Variants in KDELR3 observed in about 807,000 individuals in gnomAD.
KDELR3 encodes KDEL endoplasmic reticulum protein retention receptor 3, also known as ER lumen protein-retaining receptor 3.
In KDELR3, 26 loss-of-function variants were observed where a neutral mutation model predicts 22.7. The ratio of observed to expected loss-of-function variants is 1.15; its 90% CI spans 0.84 to 1.59. The LOEUF is 1.59. Ranked by LOEUF, KDELR3 falls within the 40% of genes most tolerant of loss-of-function variation. The pLI, the probability that KDELR3 is intolerant of heterozygous loss-of-function variation, is 0.00. For synonymous variants in KDELR3, 120 were observed against 98.2 expected (o/e 1.22, Z -1.31); for missense variants, 289 against 251.1 (o/e 1.15, Z -1.02).
In KDELR3 at chr22:38,481,407, T is replaced by C. The variant is rs1024293701; in HGVS notation, c.547T>C (p.Ser183Pro). 3 of 1,614,086 alleles carry C rather than the reference T, an allele frequency of 1.9e-6. No homozygotes were observed. The highest frequency in any genetic ancestry group is 2.7e-5 in the African/African-American group (2 of 74,924). ...ENFYDQIAVV[S>P]GVVQTIFYCD... is the part of the protein sequence containing the mutation. ...TTTCTATGACCAAATTGCAGTCGTG[T>C]CTGGAGTAGTACAAACCATCTTCTA... is the stretch of plus-strand genomic sequence containing the variant. Residue 183 changes from serine (S) to proline (P), a missense_variant, in exon 4 of 5, where the codon TCT (serine) becomes CCT (proline). Physicochemically the swap from Ser to Pro is moderately conservative, Grantham distance 74. Coordinates refer to ENST00000216014, the MANE Select transcript of KDELR3 (RefSeq NM_006855.4).
intron 4 of KDELR3, 145 bp from the exon 5 acceptor site, chr22:38,482,351 C>T (rs891608715): frequency 2.1e-5 from 14 of 679,562 alleles, no homozygotes; most frequent in Admixed American, 1.6e-4. Flanking sequence ...CATAGTCAAC[C>T]GGAGATGGAC....
intron 2 of KDELR3, among the ~76,000 whole-genome samples, chr22:38,478,513 C>T (rs567912324): frequency 8.2e-5 from 9 of 109,716 alleles, no homozygotes; most frequent in African/African-American, 1.4e-4. Flanking sequence ...CCAGCCTGGG[C>T]GACAGAGCGA....
At position 38,482,846 on chromosome 22, in the gene KDELR3, G is replaced by A. The variant is rs1411567853; in HGVS notation, c.*310G>A. ...TAAATGATTGTTCTCCAAGGCCTGA[G>A]GGCAAGACTCATGATGAGCAAGTCA... On this transcript the variant is annotated 3_prime_UTR_variant, in exon 5 of 5. Coordinates refer to ENST00000216014, the MANE Select transcript of KDELR3 (RefSeq NM_006855.4). The A allele has an allele frequency of 4.9e-5, 17 of 347,876 alleles. No homozygotes were observed. The highest frequency in any genetic ancestry group is 4.5e-5 in the Admixed American group (1 of 22,294). 21.5% of individuals were successfully genotyped at this position (347,876 alleles called of 1,614,324 possible).
At chr22:38,468,660 T>C (rs778997509) in intron 1 of KDELR3, among the ~76,000 whole-genome samples, 21 of 152,054 alleles carry the variant, frequency 1.4e-4, no homozygotes, top group Non-Finnish European at 1.3e-4. Context: ...CACCATCGAC[T>C]GTGGGGAGAA....
In KDELR3 at chr22:38,468,150, G is replaced by A. The variant is rs1201539785; in HGVS notation, c.-84G>A. ...GGCTCTGGGGCACCTAGAGACCGGG[G>A]CCGGAGACGTGGCAGCCGCCCTGCC... On this transcript the variant is annotated 5_prime_UTR_variant, in exon 1 of 5. Coordinates refer to ENST00000216014, the MANE Select transcript of KDELR3 (RefSeq NM_006855.4). The A allele has an allele frequency of 4.8e-6, 6 of 1,240,170 alleles. No individual in the cohort carries two copies. The highest frequency in any genetic ancestry group is 1.8e-5 in the Admixed American group (1 of 54,334). The allele number at this position is 1,240,170 out of a possible 1,614,324, so 76.8% of individuals were successfully genotyped here.
intron 4 of KDELR3, among the ~76,000 whole-genome samples, 170 bp from the exon 5 acceptor site, chr22:38,482,326 G>A (rs1342525818): frequency 1.3e-5 from 2 of 152,128 alleles, no homozygotes; most frequent in South Asian, 2.1e-4. Context: ...TAACCAAGTC[G>A]GGGATCAGTA....
At position 38,475,028 on chromosome 22, in the gene KDELR3, C is replaced by T. The variant is rs143740378; in HGVS notation, c.192+405C>T. ...TTGGGAGGCGGAGGTTGCAGTGAGC[C>T]GAGATCGCGCCACTGCACTCCACCC... is the stretch of plus-strand genomic sequence containing the variant. On this transcript the variant is annotated intron_variant, in intron 2 of 4. Transcript: ENST00000216014. 8.7e-3 allele frequency among the ~76,000 whole-genome samples: 1,181 copies of T among 135,788 alleles called. 12 individuals carry two copies. Among genetic ancestry groups the T allele is most frequent in the East Asian group, 0.03 (139 of 4,652 alleles). The allele number at this position is 135,788 out of a possible 152,430, so 89.1% of individuals were successfully genotyped here.
Position 38,476,170 on chromosome 22 carries a change from G to A in KDELR3, c.192+1547G>A, listed in dbSNP as rs181226006. The stretch of plus-strand genomic sequence containing the variant: ...TGGTCTCAAACCCCTGGGCTCAAGT[G>A]ATCTGCCTGTGTCAGTCTCCCGAAG... On this transcript the variant is annotated intron_variant, in intron 2 of 4. Coordinates refer to ENST00000216014, the MANE Select transcript of KDELR3 (RefSeq NM_006855.4). 1.2e-3 allele frequency among the ~76,000 whole-genome samples: 187 copies of A among 151,944 alleles called. 1 individual carries two copies. The highest frequency in any genetic ancestry group is 4.2e-3 in the African/African-American group (176 of 41,440).
intron 1 of KDELR3, among the ~76,000 whole-genome samples, chr22:38,470,010 G>A (rs1273527872): frequency 6.6e-6 from 1 of 151,966 alleles, no homozygotes; most frequent in Non-Finnish European, 1.5e-5. Flanking sequence ...AGTAGAGACG[G>A]GGTTTCGCCA....
intron 2 of KDELR3, among the ~76,000 whole-genome samples, chr22:38,479,181 A>G (rs536329471): frequency 1.4e-4 from 21 of 152,062 alleles, no homozygotes; most frequent in Non-Finnish European, 1.8e-4. Flanking sequence ...ACTGGGCAAC[A>G]TTTAAAAAAA....
chr22:38,469,428 G>A (rs1366095653), intron 1 of KDELR3, among the ~76,000 whole-genome samples: 1 of 152,228 alleles, frequency 6.6e-6, no homozygotes, highest in Non-Finnish European at 1.5e-5. Context: ...TGCAAGCTTT[G>A]AGAGAAAAGG....
intron 1 of KDELR3, among the ~76,000 whole-genome samples, chr22:38,469,247 G>A (rs1443860489): frequency 6.6e-6 from 1 of 152,234 alleles, no homozygotes; most frequent in Non-Finnish European, 1.5e-5. Flanking sequence ...GCATCCCCCG[G>A]GAAGGGTGGG....
chr22:38,482,771 C>A lies in KDELR3; in HGVS notation c.*235C>A. On this transcript the variant is annotated 3_prime_UTR_variant, in exon 5 of 5. Coordinates refer to ENST00000216014, the MANE Select transcript of KDELR3 (RefSeq NM_006855.4). The stretch of plus-strand genomic sequence containing the variant: ...TCGGCCACCTGCACAAAGATGGTGC[C>A]TCACTGCAACAAGAAACCTTAAGGT... 1.9e-6 allele frequency: 1 copy of A among 526,518 alleles called. No homozygotes were observed. The allele number at this position is 526,518 out of a possible 1,614,324, so 32.6% of individuals were successfully genotyped here. A position where few individuals can be genotyped will look rare whatever the true frequency, so the allele number is the denominator to read the frequency against.
chr22:38,474,665 C>T (rs1462470344), intron 2 of KDELR3, 42 bp downstream of exon 2: 1 of 1,510,422 alleles, frequency 6.6e-7, no homozygotes, highest in Non-Finnish European at 9.2e-7. Flanking sequence ...GCCACCAAGC[C>T]CCCACAAACT....
At chr22:38,473,386 A>T (rs1297919040) in intron 1 of KDELR3, among the ~76,000 whole-genome samples, 3 of 152,216 alleles carry the variant, frequency 2.0e-5, no homozygotes, top group Non-Finnish European at 4.4e-5. Context: ...GGCTGCAGTG[A>T]GCTATGATTG....
rs55884876 is a variant in KDELR3 at position 38,478,629 on chromosome 22, ATTTTTTTTTTTTTTTT to A, written c.193-949_193-934del. Among the ~76,000 whole-genome samples the A allele has an allele frequency of 3.7e-4, 16 of 43,560 alleles. No homozygotes were observed. The East Asian group carries it at 4.9e-3, about 13-fold the overall frequency. 28.6% of individuals were successfully genotyped at this position (43,560 alleles called of 152,430 possible). A position where few individuals can be genotyped will look rare whatever the true frequency, so the allele number is the denominator to read the frequency against. ...GGCAAGGGAAGAGACAGCATCTGTG[ATTTTTTTTTTTTTTTT>A]TTTTTTTTTTTTTTGAGACAGAGTC... On this transcript the variant is annotated intron_variant, in intron 2 of 4. Transcript: ENST00000216014.
At chr22:38,478,617 A>G (rs1222890463) in intron 2 of KDELR3, among the ~76,000 whole-genome samples, 2 of 124,440 alleles carry the variant, frequency 1.6e-5, no homozygotes, top group Admixed American at 1.0e-4. Flanking sequence ...AAGGGAAGAG[A>G]CAGCATCTGT....
chr22:38,480,769 A>T (rs1439038449), intron 3 of KDELR3, among the ~76,000 whole-genome samples: 1 of 151,764 alleles, frequency 6.6e-6, no homozygotes, highest in Non-Finnish European at 1.5e-5. Context: ...ATAAATAAAA[A>T]AGTTATTTTT....
intron 4 of KDELR3, among the ~76,000 whole-genome samples, chr22:38,482,240 G>A (rs908677420): frequency 6.6e-6 from 1 of 152,180 alleles, no homozygotes; most frequent in African/African-American, 2.4e-5. Context: ...AAGGACTGCT[G>A]ATTTGATTGT....
Sources: gnomAD v4.1 joint callset for allele counts (sites outside exome capture counted in the v4.1 genomes callset) on GRCh38, gnomAD v4.1.1 for gene constraint, MANE v1.5 for transcripts, NCBI Gene and HGNC (gene_info 2026-07-23, HGNC 2026-07-21) for gene names.